The following ATG4A variants were observed in gnomAD, a reference collection of about 807,000 sequenced individuals.
ATG4A encodes autophagy related 4A cysteine peptidase.
ATG4A carries 22 observed loss-of-function variants against 38.4 expected under a neutral mutation model. That is an observed-to-expected ratio of 0.57 (90% confidence interval 0.41 to 0.82). The LOEUF is 0.82. Ranked by LOEUF, ATG4A falls within the 40% of genes least tolerant of loss-of-function variation. The pLI, the probability that ATG4A is intolerant of heterozygous loss-of-function variation, is 0.00. For synonymous variants in ATG4A, 86 were observed against 100.7 expected, an observed-to-expected ratio of 0.85 and a Z score of 0.88; for missense variants, 220 against 290.0, an observed-to-expected ratio of 0.76 and a Z score of 1.75.
chrX:108,116,407 G>T (rs1180388263), intron 1 of ATG4A, among the ~76,000 whole-genome samples: 1 of 111,644 alleles, frequency 9.0e-6, no homozygotes, highest in Non-Finnish European at 1.9e-5. Context: ...CTGGGAAGGT[G>T]CTCCAAAGAG....
chrX:108,151,715 C>A, intron 10 of ATG4A, 87 bp from the exon 11 acceptor site: 1 of 946,182 alleles, frequency 1.1e-6, no homozygotes, highest in East Asian at 3.1e-5. Context: ...TCCACAGAGA[C>A]TGGCCCACAT....
intron 6 of ATG4A, among the ~76,000 whole-genome samples, chrX:108,136,765 G>A (rs1177894517): frequency 2.7e-5 from 3 of 112,370 alleles, no homozygotes; most frequent in Non-Finnish European, 5.6e-5. Context: ...AGAAAACAAA[G>A]TCTCTTGGGA....
chrX:108,113,826 C>T (rs922522695), intron 1 of ATG4A, among the ~76,000 whole-genome samples: 3 of 111,749 alleles, frequency 2.7e-5, no homozygotes, highest in African/African-American at 9.8e-5. Flanking sequence ...ATTCTATTAC[C>T]TCCCTCTGGG....
At position 108,126,061 on chromosome X, in the gene ATG4A, T is replaced by C. The variant is rs748006265; in HGVS notation, c.11-16T>C. 1 of 1,105,132 alleles carries C rather than the reference T, an allele frequency of 9.0e-7. No homozygotes were observed. Among genetic ancestry groups the C allele is most frequent in the Non-Finnish European group, 1.2e-6 (1 of 805,494 alleles). The allele number at this position is 1,105,132 out of a possible 1,213,427, so 91.1% of individuals were successfully genotyped here. A position where few individuals can be genotyped will look rare whatever the true frequency, so the allele number is the denominator to read the frequency against. On this transcript the variant is annotated splice_polypyrimidine_tract_variant and intron_variant, in intron 1 of 12. Coordinates refer to ENST00000372232, the MANE Select transcript of ATG4A (RefSeq NM_052936.5). ...CCTTCTATTAAATTTTACTTGTTTC[T>C]TTCCTTTTCTTTCAGTTTTATCCAA...
chrX:108,142,726 A>G (rs977424529), intron 9 of ATG4A, among the ~76,000 whole-genome samples: 1 of 110,091 alleles, frequency 9.1e-6, no homozygotes, highest in African/African-American at 3.3e-5. Flanking sequence ...TCTTTTTCAC[A>G]TTTTTCTGCC....
intron 11 of ATG4A, 171 bp downstream of exon 11, chrX:108,152,029 C>CA: frequency 2.2e-6 from 1 of 457,876 alleles, no homozygotes; most frequent in Non-Finnish European, 3.5e-6. Context: ...TGCATAACTT[C>CA]GGGGAAACTG....
chrX:108,134,520 A>G, intron 6 of ATG4A, 109 bp downstream of exon 6: 1 of 646,730 alleles, frequency 1.5e-6, no homozygotes, highest in Non-Finnish European at 2.3e-6. Context: ...CCGCTAAGCT[A>G]CTCCTCCCAC....
At chrX:108,142,245 A>T (rs1012424101) in intron 9 of ATG4A, among the ~76,000 whole-genome samples, 2 of 110,415 alleles carry the variant, frequency 1.8e-5, no homozygotes, top group African/African-American at 6.6e-5. Context: ...CGTCTATACC[A>T]AAAATACAAA....
chrX:108,106,021 A>G (rs1267751821), intron 1 of ATG4A, among the ~76,000 whole-genome samples: 3 of 111,643 alleles, frequency 2.7e-5, no homozygotes, highest in African/African-American at 9.8e-5. Flanking sequence ...TACTCAATAT[A>G]TCATTGTTAA....
chrX:108,118,186 T>A (rs5973844), intron 1 of ATG4A, among the ~76,000 whole-genome samples: 5,998 of 111,903 alleles, frequency 0.054, 135 homozygotes, highest in East Asian at 0.097. Flanking sequence ...CAGTGGGTAT[T>A]GCATTGTCAG....
rs1410194519 is a variant in ATG4A at position 108,137,250 on chromosome X, A to G, written c.547+80A>G. On this transcript the variant is annotated intron_variant, in intron 7 of 12. Transcript: ENST00000372232. ...ACCATTCAGTATTCTGGGGCTCAAG[A>G]GAGTCTCTCTGGTCTTCCCCACCAG... The G allele has an allele frequency of 7.8e-6, 7 of 897,569 alleles. No homozygotes were observed. In the South Asian group the frequency reaches 9.5e-5, roughly 12 times the overall value. 74.0% of individuals were successfully genotyped at this position (897,569 alleles called of 1,213,427 possible).
intron 1 of ATG4A, among the ~76,000 whole-genome samples, chrX:108,112,381 A>G (rs1171527427): frequency 4.6e-5 from 5 of 109,534 alleles, no homozygotes; most frequent in Admixed American, 3.9e-4. Flanking sequence ...CTAAAACACA[A>G]TCTACTTCCC....
chrX:108,140,516 C>T (rs949574437), intron 9 of ATG4A, among the ~76,000 whole-genome samples: 2 of 106,178 alleles, frequency 1.9e-5, no homozygotes, highest in African/African-American at 3.4e-5. Flanking sequence ...CCAGAGACTT[C>T]GCAAAGTATA....
chrX:108,140,988 G>A lies in ATG4A; in HGVS notation c.814+2797G>A, dbSNP rs181498242. Among the ~76,000 whole-genome samples the A allele has an allele frequency of 9.9e-3, 592 of 59,950 alleles. 7 individuals carry two copies. The highest frequency in any genetic ancestry group is 0.046 in the African/African-American group (569 of 12,455). The allele number at this position is 59,950 out of a possible 115,157, so 52.1% of individuals were successfully genotyped here. ...TACACATATATACACATATATATAC[G>A]TATATATATACATATATATACGTAT... On this transcript the variant is annotated intron_variant, in intron 9 of 12. Coordinates refer to ENST00000372232, the MANE Select transcript of ATG4A (RefSeq NM_052936.5).
In ATG4A at chrX:108,091,913, A is replaced by G. The variant is rs370287890; in HGVS notation, c.10+77A>G. The G allele has an allele frequency of 8.8e-5, 105 of 1,194,272 alleles. No homozygotes were observed. In the African/African-American group the frequency reaches 1.5e-3, roughly 17 times the overall value. ...TCGCTGGCGGGTCGTTGAGTCGGCC[A>G]TATGAAACAGGTTCGGGGGCAGGGC... On this transcript the variant is annotated intron_variant, in intron 1 of 12. Coordinates refer to ENST00000372232, the MANE Select transcript of ATG4A (RefSeq NM_052936.5).
At chrX:108,137,285 G>A (rs1239535076) in intron 7 of ATG4A, 115 bp downstream of exon 7, 16 of 580,411 alleles carry the variant, frequency 2.8e-5, no homozygotes, top group Non-Finnish European at 3.4e-5. Flanking sequence ...GGGCAGGGGA[G>A]CTTAGGGGAG....
intron 9 of ATG4A, among the ~76,000 whole-genome samples, chrX:108,143,226 AG>A (rs1164078895): frequency 1.2e-4 from 14 of 112,505 alleles, no homozygotes; most frequent in African/African-American, 4.5e-4. Context: ...TGACAATTGC[AG>A]TCCTCGTTTC....
chrX:108,148,247 C>G (rs943973339), intron 9 of ATG4A, among the ~76,000 whole-genome samples: 16 of 106,152 alleles, frequency 1.5e-4, no homozygotes, highest in Non-Finnish European at 1.2e-4. Context: ...GAGGCTAGGG[C>G]TGTCTCTCTT....
intron 4 of ATG4A, among the ~76,000 whole-genome samples, 200 bp downstream of exon 4, chrX:108,131,558 G>T (rs2032955085): frequency 8.9e-6 from 1 of 112,016 alleles, no homozygotes; most frequent in African/African-American, 3.3e-5. Context: ...GTTTCCTTGT[G>T]AGTCACCAAG....
Sources: allele counts gnomAD v4.1 joint callset (sites outside exome capture counted in the v4.1 genomes callset), GRCh38; gene constraint gnomAD v4.1.1; transcripts MANE v1.5; gene names NCBI Gene and HGNC (gene_info 2026-07-23, HGNC 2026-07-21).